The following COBLL1 variants were observed in gnomAD, a reference collection of about 807,000 sequenced individuals.
The protein encoded by COBLL1 is cordon-bleu protein-like 1.
Under a neutral mutation model 94.8 loss-of-function variants are expected in COBLL1, and 50 were observed. The ratio of observed to expected loss-of-function variants is 0.53; its 90% CI spans 0.42 to 0.67. The LOEUF is 0.67. Among genes scored for constraint, COBLL1 ranks in the 30% least tolerant of loss-of-function variants. COBLL1 has a pLI of 0.00. For missense variants in COBLL1, 1,362 were observed against 1,348.7 expected (o/e 1.01, Z -0.15); for synonymous variants, 448 against 473.8 (o/e 0.95, Z 0.71).
chr2:164,828,168 T>C (rs905037201), intron 2 of COBLL1, among the ~76,000 whole-genome samples: 13 of 152,238 alleles, frequency 8.5e-5, no homozygotes. Flanking sequence ...AATGGACAAG[T>C]AATTTGTCTC....
At chr2:164,676,770 T>C (rs1369505195), downstream of COBLL1, among the ~76,000 whole-genome samples, 3 of 152,156 alleles carry the variant, frequency 2.0e-5, no homozygotes, top group Non-Finnish European at 2.9e-5. Context: ...CATTAACTTC[T>C]GAATTTCTGG....
At chr2:164,716,427 T>C (rs1003965039) in intron 7 of COBLL1, among the ~76,000 whole-genome samples, 7 of 152,126 alleles carry the variant, frequency 4.6e-5, no homozygotes, top group Admixed American at 3.9e-4. Flanking sequence ...AAATTTCTAA[T>C]GGGAAAGTTT....
At chr2:164,676,862 C>T (rs1292368424), downstream of COBLL1, among the ~76,000 whole-genome samples, 1 of 152,184 alleles carries the variant, frequency 6.6e-6, no homozygotes, top group Non-Finnish European at 1.5e-5. Flanking sequence ...ATTCTACACT[C>T]TCTAAACCTG....
intron 3 of COBLL1, 113 bp downstream of exon 3, chr2:164,743,572 CTG>C: frequency 1.2e-6 from 1 of 847,948 alleles, no homozygotes; most frequent in Non-Finnish European, 1.9e-6. Context: ...GGTAACTAAA[CTG>C]AGTGATAAAT....
chr2:164,676,027 A>C (rs1434897193), downstream of COBLL1, among the ~76,000 whole-genome samples: 4 of 152,204 alleles, frequency 2.6e-5, no homozygotes, highest in Non-Finnish European at 5.9e-5. Flanking sequence ...AATTGTATAA[A>C]TAGAGTACAG....
At chr2:164,785,669 A>T (rs1288180577) in intron 2 of COBLL1, among the ~76,000 whole-genome samples, 1 of 152,200 alleles carries the variant, frequency 6.6e-6, no homozygotes, top group Non-Finnish European at 1.5e-5. Flanking sequence ...GTAGCTGAGT[A>T]CTTGCTATGG....
At chr2:164,757,938 A>C (rs1382696531) in intron 2 of COBLL1, among the ~76,000 whole-genome samples, 1 of 152,054 alleles carries the variant, frequency 6.6e-6, no homozygotes, top group Non-Finnish European at 1.5e-5. Flanking sequence ...ACAGTTATGA[A>C]AGTCAAACTT....
downstream of COBLL1, among the ~76,000 whole-genome samples, chr2:164,677,353 G>A (rs181058346): frequency 3.3e-5 from 5 of 152,166 alleles, no homozygotes; most frequent in Admixed American, 2.6e-4. Flanking sequence ...TTGGGTAAAT[G>A]CCTAAGAGTG....
rs775260718 is a variant in COBLL1, at chr2:164,695,756, C to T, written c.1636G>A (p.Val546Ile). 1.2e-6 allele frequency: 2 copies of T among 1,613,282 alleles called. No homozygotes were observed. Among genetic ancestry groups the T allele is most frequent in the East Asian group, 2.2e-5 (1 of 44,838 alleles). Reference protein sequence around the residue: ...KNGVKKTEINVEGVAKNNNID... With the variant: ...KNGVKKTEINIEGVAKNNNID... Reference sequence around the variant, plus strand: ...TTGTTATTTTTGGCAACACCTTCTACATTGATTTCTGTTTTCTTCACTCCA... The same window carrying T: ...TTGTTATTTTTGGCAACACCTTCTATATTGATTTCTGTTTTCTTCACTCCA... Residue 546 changes from valine to isoleucine, a missense_variant, in exon 12 of 14, where the codon GTA becomes ATA. Coordinates refer to ENST00000652658, the MANE Select transcript of COBLL1 (RefSeq NM_001365672.2).
chr2:164,834,698 A>G (rs375061039), intron 2 of COBLL1, among the ~76,000 whole-genome samples: 6 of 152,254 alleles, frequency 3.9e-5, no homozygotes, highest in East Asian at 3.8e-4. Flanking sequence ...CTACTCAACT[A>G]TAATGTGAAA....
intron 2 of COBLL1, among the ~76,000 whole-genome samples, chr2:164,812,577 A>G (rs1379450325): frequency 6.6e-6 from 1 of 152,002 alleles, no homozygotes; most frequent in Non-Finnish European, 1.5e-5. Flanking sequence ...TGTTCCTCCC[A>G]TGACCTTCCA....
In COBLL1 at chr2:164,695,109, C is replaced by T; in HGVS notation, c.2283G>A (p.Met761Ile). The T allele has an allele frequency of 6.2e-7, 1 of 1,613,884 alleles. No individual in the cohort carries two copies. The highest frequency in any genetic ancestry group is 8.5e-7 in the Non-Finnish European group (1 of 1,179,950). Residue 761 changes from methionine (M) to isoleucine (I), a missense_variant, in exon 12 of 14, where the codon ATG (methionine) becomes ATA (isoleucine). Physicochemically the swap from Met to Ile is conservative, Grantham distance 10. Coordinates refer to ENST00000652658, the MANE Select transcript of COBLL1 (RefSeq NM_001365672.2). ...GAGTGTGCTTTTTCCCTAAAGCATGCATGTCCTGATCATCTTTATACTCTA... is the reference window on the plus strand; with the variant it reads ...GAGTGTGCTTTTTCCCTAAAGCATGTATGTCCTGATCATCTTTATACTCTA... Reference protein sequence around the residue: ...ETIEYKDDQDMHALGKKHTHE... With the variant: ...ETIEYKDDQDIHALGKKHTHE...
In COBLL1 at chr2:164,683,349, G is replaced by C. The variant is rs951543443; in HGVS notation, c.*2597C>G. On this transcript the variant is annotated 3_prime_UTR_variant, in exon 14 of 14. Coordinates refer to ENST00000652658, the MANE Select transcript of COBLL1 (RefSeq NM_001365672.2). Reference sequence around the variant, plus strand: ...GTGCTGTTATTTTAGGATATGATGAGTGAAAACTACTTGTCACAAATTTCT... The same window carrying C: ...GTGCTGTTATTTTAGGATATGATGACTGAAAACTACTTGTCACAAATTTCT... The C allele has an allele frequency of 1.3e-5, 2 of 152,004 alleles. No individual in the cohort carries two copies. The highest frequency in any genetic ancestry group is 4.8e-5 in the African/African-American group (2 of 41,414). The allele number at this position is 152,004 out of a possible 1,614,324, so 9.4% of individuals were successfully genotyped here.
At chr2:164,808,345 G>C (rs1684299648) in intron 2 of COBLL1, among the ~76,000 whole-genome samples, 2 of 152,132 alleles carry the variant, frequency 1.3e-5, no homozygotes, top group Admixed American at 1.3e-4. Flanking sequence ...GGGACTTACT[G>C]ATATATAGAG....
chr2:164,666,736 A>C (rs1691165084), intron 1 of COBLL1, among the ~76,000 whole-genome samples: 2 of 152,194 alleles, frequency 1.3e-5, no homozygotes, highest in Admixed American at 1.3e-4. Flanking sequence ...GCTCTTCCAT[A>C]AGAAGCAACT....
At chr2:164,805,342 T>TATGTATAAATATATATAA (rs1684075358) in intron 2 of COBLL1, among the ~76,000 whole-genome samples, 2 of 87,676 alleles carry the variant, frequency 2.3e-5, no homozygotes, top group African/African-American at 9.4e-5. Flanking sequence ...TCTCTCTATA[T>TATGTATAAATATATATAA]ATATATATAT....
In COBLL1 at chr2:164,699,468, T is replaced by C. The variant is rs746589050; in HGVS notation, c.1492A>G (p.Asn498Asp). ...ATACTGTCAACTACCTTCTTTCCAT[T>C]GCTTGTATCATATACTACACTGTGT... Reference protein sequence around the residue: ...EPHSVVYDTSNGKKVVDSIRN... With the variant: ...EPHSVVYDTSDGKKVVDSIRN... The change falls in exon 11 of 14, where the codon AAT becomes GAT. Residue 498 changes from asparagine to aspartate, a missense_variant. Transcript: ENST00000652658. 4 of 1,612,280 alleles carry C rather than the reference T, an allele frequency of 2.5e-6. No individual in the cohort carries two copies. The Admixed American group carries it at 6.7e-5, about 27-fold the overall frequency.
intron 6 of COBLL1, 42 bp from the exon 7 acceptor site, chr2:164,722,353 T>C: frequency 6.4e-7 from 1 of 1,556,790 alleles, no homozygotes; most frequent in Non-Finnish European, 8.8e-7. Flanking sequence ...AATTTCAAGA[T>C]ATTAGTAAAA....
At chr2:164,719,419 A>G (rs1364834098) in intron 7 of COBLL1, among the ~76,000 whole-genome samples, 3 of 152,178 alleles carry the variant, frequency 2.0e-5, no homozygotes, top group African/African-American at 7.2e-5. Flanking sequence ...AAACAACACA[A>G]ATGTATTCTT....
Sources: allele counts gnomAD v4.1 joint callset (sites outside exome capture counted in the v4.1 genomes callset), GRCh38; gene constraint gnomAD v4.1.1; transcripts MANE v1.5; gene names NCBI Gene and HGNC (gene_info 2026-07-23, HGNC 2026-07-21).